The following ST13 variants were observed in gnomAD, a reference collection of about 807,000 sequenced individuals.
ST13 encodes the protein hsc70-interacting protein.
ST13 carries 23 observed loss-of-function variants against 56.7 expected under a neutral mutation model. The observed-to-expected ratio is 0.41, with a 90% CI of 0.29 to 0.57. The LOEUF (loss-of-function observed/expected upper bound fraction) is 0.57. Among genes scored for constraint, ST13 ranks in the 20% least tolerant of loss-of-function variants. The pLI is 0.36. For synonymous variants in ST13, 132 were observed against 142.4 expected, an observed-to-expected ratio of 0.93 and a Z score of 0.52; for missense variants, 369 against 459.9, an observed-to-expected ratio of 0.80 and a Z score of 1.81.
chr22:40,850,686 G>C, intron 2 of ST13, 137 bp downstream of exon 2: 1 of 646,844 alleles, frequency 1.5e-6, no homozygotes, highest in Non-Finnish European at 2.7e-6. Flanking sequence ...TAAAGATAAA[G>C]AGGTCTTAAA....
chr22:40,851,496 T>C (rs2057860975), intron 1 of ST13, among the ~76,000 whole-genome samples: 1 of 152,124 alleles, frequency 6.6e-6, no homozygotes, highest in South Asian at 2.1e-4. Context: ...GGCAACACAA[T>C]TCATTATAAG....
Position 40,843,231 on chromosome 22 carries a change from G to A in ST13, c.315+1608C>T, listed in dbSNP as rs181953772. On this transcript the variant is annotated intron_variant, in intron 4 of 11. Transcript: ENST00000216218. The stretch of plus-strand genomic sequence containing the variant: ...TTATTTATGGATAGTTTATCTCAAT[G>A]GTGAGGAGATATATCTTTTCCCGAA... Among the ~76,000 whole-genome samples, 655 of 152,246 alleles carry A rather than the reference G, an allele frequency of 4.3e-3. 3 individuals carry two copies. The highest frequency in any genetic ancestry group is 7.3e-3 in the Admixed American group (112 of 15,286).
chr22:40,854,759 A>C (rs1396612204), intron 1 of ST13, among the ~76,000 whole-genome samples: 1 of 152,194 alleles, frequency 6.6e-6, no homozygotes, highest in African/African-American at 2.4e-5. Context: ...TTTTAGAAAG[A>C]ATTTATTAAC....
intron 1 of ST13, among the ~76,000 whole-genome samples, chr22:40,854,189 T>A (rs2057876439): frequency 6.6e-6 from 1 of 152,176 alleles, no homozygotes; most frequent in African/African-American, 2.4e-5. Flanking sequence ...CGTCTGGACC[T>A]AGAAGTCTCC....
intron 2 of ST13, 104 bp downstream of exon 2, chr22:40,850,719 T>C (rs2057856970): frequency 1.2e-6 from 1 of 822,128 alleles, no homozygotes; most frequent in Admixed American, 2.7e-5. Context: ...CAAGTGATCT[T>C]GGGGAAATCA....
chr22:40,826,489 G>C lies in ST13; in HGVS notation c.*49C>G, dbSNP rs1466804948. The C allele has an allele frequency of 7.2e-5, 115 of 1,587,194 alleles. No individual in the cohort carries two copies. Among genetic ancestry groups the C allele is most frequent in the Non-Finnish European group, 9.7e-5 (114 of 1,172,948 alleles). On this transcript the variant is annotated 3_prime_UTR_variant, in exon 12 of 12. Coordinates refer to ENST00000216218, the MANE Select transcript of ST13 (RefSeq NM_003932.5). ...TGTATTATTGCGACATCCATAAGGT[G>C]ATCTAGGTTGCTTTTCCTTCAGCAA...
chr22:40,842,662 T>C (rs1329075931), intron 4 of ST13, among the ~76,000 whole-genome samples: 2 of 152,152 alleles, frequency 1.3e-5, no homozygotes, highest in Admixed American at 6.6e-5. Context: ...TAATAACAGC[T>C]GAAAATATTC....
chr22:40,850,914 GAAAATT>G (rs1283199293), intron 1 of ST13, 34 bp from the exon 2 acceptor site: 3 of 1,537,846 alleles, frequency 2.0e-6, no homozygotes, highest in Middle Eastern at 1.7e-4. Flanking sequence ...TATTTGTTTA[GAAAATT>G]AAAATTCACT....
chr22:40,850,819 T>C lies in ST13; in HGVS notation c.168+4A>G. ...CAAAACATACAAATGAAATTAAAAC[T>C]TACCTTGGTATTTTCTTCTGATTTA... On this transcript the variant is annotated splice_donor_region_variant and intron_variant, in intron 2 of 11. Transcript: ENST00000216218. 4 of 1,600,936 alleles carry C rather than the reference T, an allele frequency of 2.5e-6. No individual in the cohort carries two copies.
intron 3 of ST13, among the ~76,000 whole-genome samples, chr22:40,845,952 T>C (rs1346477800): frequency 1.3e-5 from 2 of 152,190 alleles, no homozygotes; most frequent in Non-Finnish European, 1.5e-5. Flanking sequence ...ATATCGTTTT[T>C]TGAGACGGAG....
intron 8 of ST13, among the ~76,000 whole-genome samples, chr22:40,831,614 T>A (rs966399618): frequency 1.3e-5 from 2 of 152,276 alleles, no homozygotes; most frequent in African/African-American, 4.8e-5. Flanking sequence ...TTGCCCTATT[T>A]TAAGAAGAAA....
intron 4 of ST13, among the ~76,000 whole-genome samples, 153 bp from the exon 5 acceptor site, chr22:40,840,845 T>C (rs913472772): frequency 6.6e-6 from 1 of 152,180 alleles, no homozygotes; most frequent in Non-Finnish European, 1.5e-5. Context: ...TGATAACTCA[T>C]TAGTGAGAAA....
chr22:40,849,580 A>G (rs1240770260), intron 2 of ST13, among the ~76,000 whole-genome samples: 1 of 152,002 alleles, frequency 6.6e-6, no homozygotes, highest in Non-Finnish European at 1.5e-5. Flanking sequence ...GGTATTCTAG[A>G]ATATATTGAA....
At chr22:40,847,368 C>T (rs1215466380) in intron 3 of ST13, among the ~76,000 whole-genome samples, 1 of 149,430 alleles carries the variant, frequency 6.7e-6, no homozygotes, top group Non-Finnish European at 1.5e-5. Context: ...ATGGCAAAAC[C>T]CTGTCTCTAC....
intron 4 of ST13, among the ~76,000 whole-genome samples, chr22:40,843,275 C>A (rs1432318605): frequency 6.6e-6 from 1 of 152,014 alleles, no homozygotes; most frequent in Admixed American, 6.6e-5. Flanking sequence ...AGATTTAACA[C>A]AATTCTAACA....
At chr22:40,849,173 G>A (rs774759586) in intron 2 of ST13, among the ~76,000 whole-genome samples, 2 of 151,924 alleles carry the variant, frequency 1.3e-5, no homozygotes, top group Non-Finnish European at 2.9e-5. Flanking sequence ...TTGCTTCCCT[G>A]TTACTTAAAA....
chr22:40,835,685 T>C lies in ST13; in HGVS notation c.468-15A>G. The C allele has an allele frequency of 6.2e-6, 10 of 1,610,418 alleles. No homozygotes were observed. The highest frequency in any genetic ancestry group is 7.6e-6 in the Non-Finnish European group (9 of 1,176,666). On this transcript the variant is annotated splice_polypyrimidine_tract_variant and intron_variant, in intron 6 of 11. Coordinates refer to ENST00000216218, the MANE Select transcript of ST13 (RefSeq NM_003932.5). Reference sequence around the variant, plus strand: ...TGACGAAGACACTGAAAAATAAGTGTGTTATTAAAAAGTATTCATTTCAGT... The same window carrying C: ...TGACGAAGACACTGAAAAATAAGTGCGTTATTAAAAAGTATTCATTTCAGT...
At chr22:40,854,191 G>C (rs1029198255) in intron 1 of ST13, among the ~76,000 whole-genome samples, 2 of 152,184 alleles carry the variant, frequency 1.3e-5, no homozygotes, top group South Asian at 2.1e-4. Context: ...TCTGGACCTA[G>C]AAGTCTCCAC....
intron 10 of ST13, 117 bp downstream of exon 10, chr22:40,829,509 A>C: frequency 2.2e-6 from 1 of 456,914 alleles, no homozygotes; most frequent in Non-Finnish European, 3.6e-6. Context: ...GTTCTTCATG[A>C]ATATCACTGT....
Sources: allele counts gnomAD v4.1 joint callset (sites outside exome capture counted in the v4.1 genomes callset), GRCh38; gene constraint gnomAD v4.1.1; transcripts MANE v1.5; gene names NCBI Gene and HGNC (gene_info 2026-07-23, HGNC 2026-07-21).